ARHGAP21: variants seen among roughly 807,000 people sequenced by gnomAD.
The protein encoded by ARHGAP21 is rho GTPase-activating protein 21.
In ARHGAP21, 38 loss-of-function variants were observed where a neutral mutation model predicts 164.6. The observed-to-expected ratio is 0.23, with a 90% CI of 0.18 to 0.30. The LOEUF (loss-of-function observed/expected upper bound fraction) is 0.30. Among genes scored for constraint, ARHGAP21 ranks in the 10% least tolerant of loss-of-function variants. ARHGAP21 has a pLI of 1.00. For missense variants in ARHGAP21, 1,822 were observed against 2,370.7 expected (o/e 0.77, Z 4.81); for synonymous variants, 766 against 857.9 (o/e 0.89, Z 1.87).
rs960695392 is a variant in ARHGAP21, at chr10:24,722,213, C to G, written c.-314G>C. 3 of 400,238 alleles carry G rather than the reference C, an allele frequency of 7.5e-6. No homozygotes were observed. Among genetic ancestry groups the G allele is most frequent in the East Asian group, 5.5e-5 (1 of 18,248 alleles). The allele number at this position is 400,238 out of a possible 1,614,324, so 24.8% of individuals were successfully genotyped here. Reference sequence around the variant, plus strand: ...GAAAGCGGTCCCCTTCTTCCCAGTGCCACTCCTGAGTCCTGGAAAAATCCG... The same window carrying G: ...GAAAGCGGTCCCCTTCTTCCCAGTGGCACTCCTGAGTCCTGGAAAAATCCG... On this transcript the variant is annotated 5_prime_UTR_variant, in exon 2 of 26. Transcript: ENST00000396432.
At chr10:24,689,934 G>A (rs71493395) in intron 2 of ARHGAP21, among the ~76,000 whole-genome samples, 13 of 134,410 alleles carry the variant, frequency 9.7e-5, no homozygotes, top group African/African-American at 3.3e-4. Flanking sequence ...GTATGTATAT[G>A]TATATATGTA....
intron 11 of ARHGAP21, among the ~76,000 whole-genome samples, chr10:24,606,476 TAA>T (rs1484455203): frequency 6.6e-6 from 1 of 152,202 alleles, no homozygotes; most frequent in Non-Finnish European, 1.5e-5. Flanking sequence ...TTATAATAAT[TAA>T]AAATATATGT....
At chr10:24,592,097 AAAG>A (rs2076354117) in intron 21 of ARHGAP21, 85 bp from the exon 22 acceptor site, 2 of 1,293,986 alleles carry the variant, frequency 1.5e-6, no homozygotes, top group Non-Finnish European at 2.1e-6. Flanking sequence ...TTTTGATGAA[AAAG>A]AATAAACAGA....
At chr10:24,679,652 T>A (rs577378622) in intron 2 of ARHGAP21, among the ~76,000 whole-genome samples, 1 of 152,232 alleles carries the variant, frequency 6.6e-6, no homozygotes, top group Admixed American at 6.5e-5. Flanking sequence ...ATTTTAGCCA[T>A]TGTGACAAGT....
At chr10:24,586,917 G>A (rs73606512) in intron 25 of ARHGAP21, among the ~76,000 whole-genome samples, 73 of 152,232 alleles carry the variant, frequency 4.8e-4, no homozygotes, top group African/African-American at 1.8e-3. Flanking sequence ...GCACGCACCT[G>A]TGGTCCTGGC....
intron 2 of ARHGAP21, among the ~76,000 whole-genome samples, chr10:24,672,320 C>T (rs954261914): frequency 2.6e-5 from 4 of 152,114 alleles, no homozygotes; most frequent in African/African-American, 9.7e-5. Context: ...GAAGAATTTT[C>T]TCAACTTGAC....
chr10:24,717,186 G>A (rs1209866046), intron 2 of ARHGAP21, among the ~76,000 whole-genome samples: 1 of 152,294 alleles, frequency 6.6e-6, no homozygotes. Context: ...TCAGGATGTC[G>A]AGGAAACCTC....
chr10:24,713,725 T>C (rs1235885972), intron 2 of ARHGAP21, among the ~76,000 whole-genome samples: 1 of 151,688 alleles, frequency 6.6e-6, no homozygotes, highest in Non-Finnish European at 1.5e-5. Flanking sequence ...CTCCCGACTC[T>C]ACCTCCCAAA....
At chr10:24,618,012 G>C (rs138344317) in intron 9 of ARHGAP21, among the ~76,000 whole-genome samples, 2 of 148,862 alleles carry the variant, frequency 1.3e-5, no homozygotes, top group South Asian at 4.3e-4. Context: ...GCTCTGGGAC[G>C]AGGCTGAATG....
chr10:24,653,300 C>T (rs1293138961), intron 4 of ARHGAP21, among the ~76,000 whole-genome samples: 6 of 152,084 alleles, frequency 3.9e-5, no homozygotes, highest in East Asian at 3.9e-4. Flanking sequence ...CTTGGCCAGG[C>T]GCAGTGGCTC....
intron 2 of ARHGAP21, among the ~76,000 whole-genome samples, chr10:24,719,603 T>C (rs1159784094): frequency 6.6e-6 from 1 of 152,228 alleles, no homozygotes; most frequent in African/African-American, 2.4e-5. Flanking sequence ...AAAAACACAA[T>C]AATAAATGTA....
intron 9 of ARHGAP21, 58 bp from the exon 10 acceptor site, chr10:24,607,961 ACT>A: frequency 6.8e-7 from 1 of 1,479,378 alleles, no homozygotes; most frequent in Non-Finnish European, 9.1e-7. Context: ...TAATAATAAA[ACT>A]CAGTCAATAA....
intron 4 of ARHGAP21, among the ~76,000 whole-genome samples, chr10:24,647,257 G>A (rs1299384055): frequency 6.6e-6 from 1 of 152,160 alleles, no homozygotes; most frequent in Non-Finnish European, 1.5e-5. Flanking sequence ...AGGTTTCCCA[G>A]GACTTGAAGT....
At chr10:24,606,323 T>C (rs944463125) in intron 11 of ARHGAP21, among the ~76,000 whole-genome samples, 1 of 152,100 alleles carries the variant, frequency 6.6e-6, no homozygotes, top group Non-Finnish European at 1.5e-5. Context: ...GCTTTCTTTA[T>C]ATAAAAAGGA....
At chr10:24,603,056 C>A (rs2076879870) in intron 12 of ARHGAP21, among the ~76,000 whole-genome samples, 1 of 152,128 alleles carries the variant, frequency 6.6e-6, no homozygotes, top group African/African-American at 2.4e-5. Context: ...CAGCTGACAC[C>A]AGCTGCAGTT....
At chr10:24,591,073 T>C (rs1164953828) in intron 24 of ARHGAP21, 152 bp downstream of exon 24, 6 of 970,166 alleles carry the variant, frequency 6.2e-6, no homozygotes, top group Middle Eastern at 6.9e-4. Flanking sequence ...TTCAGATCAA[T>C]TGGAAAAGGA....
intron 2 of ARHGAP21, among the ~76,000 whole-genome samples, chr10:24,700,794 C>T (rs1843603725): frequency 6.6e-6 from 1 of 152,098 alleles, no homozygotes; most frequent in Non-Finnish European, 1.5e-5. Flanking sequence ...CAAAAATAAC[C>T]TTTAACTCTC....
chr10:24,588,271 AT>A (rs2076186282), intron 25 of ARHGAP21, among the ~76,000 whole-genome samples: 1 of 151,996 alleles, frequency 6.6e-6, no homozygotes. Context: ...ATGCTGAAGT[AT>A]TTAGGAGTAG....
At chr10:24,685,703 C>A (rs1437305622) in intron 2 of ARHGAP21, among the ~76,000 whole-genome samples, 1 of 152,032 alleles carries the variant, frequency 6.6e-6, no homozygotes, top group Non-Finnish European at 1.5e-5. Flanking sequence ...TGGTAAAACC[C>A]CGTCTCTACT....
Sources: gnomAD v4.1 joint callset for allele counts (sites outside exome capture counted in the v4.1 genomes callset) on GRCh38, gnomAD v4.1.1 for gene constraint, MANE v1.5 for transcripts, NCBI Gene and HGNC (gene_info 2026-07-23, HGNC 2026-07-21) for gene names.